Variants in NR2F1-AS1 observed in about 807,000 individuals in gnomAD.
The protein encoded by NR2F1-AS1 is NR2F1 antisense RNA 1.
At chr5:93,434,883 G>T (rs939138256) in intron 4 of NR2F1-AS1, among the ~76,000 whole-genome samples, 1 of 152,040 alleles carries the variant, frequency 6.6e-6, no homozygotes. Context: ...AAATGATGTT[G>T]TGTTCTTCTC....
chr5:93,471,811 C>T (rs1750371322), intron 4 of NR2F1-AS1, among the ~76,000 whole-genome samples: 1 of 151,786 alleles, frequency 6.6e-6, no homozygotes, highest in Non-Finnish European at 1.5e-5. Context: ...GGTAAAGGTT[C>T]CCCGGTTAAT....
intron 4 of NR2F1-AS1, among the ~76,000 whole-genome samples, chr5:93,536,874 G>A (rs1038306709): frequency 3.9e-5 from 6 of 152,104 alleles, no homozygotes; most frequent in Non-Finnish European, 8.8e-5. Context: ...TCATGGGAGT[G>A]GGTCTTTCCT....
chr5:93,504,763 C>T (rs1751151778), intron 4 of NR2F1-AS1, among the ~76,000 whole-genome samples: 2 of 152,020 alleles, frequency 1.3e-5, no homozygotes, highest in East Asian at 3.9e-4. Context: ...AAAGATCAGC[C>T]CCCATGATTC....
In NR2F1-AS1 at chr5:93,471,172, T is replaced by G. The variant is rs1378214741; in HGVS notation, n.639-75630A>C. ...AGCAAAAAACTATATACTGATCAAC[T>G]GACTTAACAACTAGCCAAACTGTAT... On this transcript the variant is annotated intron_variant and non_coding_transcript_variant, in intron 4 of 5. Coordinates refer to ENST00000660523, the Ensembl canonical transcript of NR2F1-AS1. Among the ~76,000 whole-genome samples the G allele has an allele frequency of 2.0e-5, 3 of 151,972 alleles. No homozygotes were observed. The East Asian group carries it at 5.8e-4, about 29-fold the overall frequency.
chr5:93,459,970 G>A (rs1186174989), intron 4 of NR2F1-AS1, among the ~76,000 whole-genome samples: 2 of 152,040 alleles, frequency 1.3e-5, no homozygotes, highest in African/African-American at 4.8e-5. Flanking sequence ...AAAGTATCCT[G>A]AAAATTCAAA....
At chr5:93,491,750 C>G (rs998605577) in intron 4 of NR2F1-AS1, among the ~76,000 whole-genome samples, 10 of 152,188 alleles carry the variant, frequency 6.6e-5, no homozygotes, top group African/African-American at 2.4e-4. Context: ...GCTCCTGGTT[C>G]TTGGGCCTTC....
intron 4 of NR2F1-AS1, among the ~76,000 whole-genome samples, chr5:93,447,991 T>C (rs777251304): frequency 1.3e-5 from 2 of 152,060 alleles, no homozygotes; most frequent in Non-Finnish European, 2.9e-5. Flanking sequence ...TAGGTGGGAA[T>C]TGGACAGTGA....
intron 4 of NR2F1-AS1, among the ~76,000 whole-genome samples, chr5:93,547,495 AG>A (rs1171053639): frequency 6.6e-6 from 1 of 152,210 alleles, no homozygotes; most frequent in East Asian, 1.9e-4. Flanking sequence ...TCCAATTAAA[AG>A]GGGGATCTAA....
At chr5:93,506,866 T>C (rs558500661) in intron 4 of NR2F1-AS1, among the ~76,000 whole-genome samples, 7 of 152,258 alleles carry the variant, frequency 4.6e-5, no homozygotes, top group Admixed American at 3.3e-4. Flanking sequence ...GAAAAGACTA[T>C]AGGCAGGCTC....
chr5:93,562,030 A>AT (rs566327421), intron 2 of NR2F1-AS1, among the ~76,000 whole-genome samples: 8 of 151,554 alleles, frequency 5.3e-5, no homozygotes, highest in Admixed American at 2.6e-4. Flanking sequence ...AAACTCTAAG[A>AT]TTTTTTTTAA....
intron 1 of NR2F1-AS1, among the ~76,000 whole-genome samples, chr5:93,564,216 AAAGAAAATGGTTACTATTATAAGTT>A (rs575463193): frequency 1.3e-5 from 2 of 150,498 alleles, no homozygotes; most frequent in South Asian, 4.3e-4. Context: ...CACCCACCCT[AAAGAAAATGGTTACTATTATAAGTT>A]CCCAAGTATG....
intron 4 of NR2F1-AS1, among the ~76,000 whole-genome samples, chr5:93,535,357 T>TA (rs919871110): frequency 2.0e-5 from 3 of 151,424 alleles, no homozygotes; most frequent in Non-Finnish European, 4.4e-5. Flanking sequence ...ATAATAAATA[T>TA]AAAAAATTTA....
chr5:93,567,676 G>C (rs1752648794), intron 1 of NR2F1-AS1, among the ~76,000 whole-genome samples: 2 of 152,126 alleles, frequency 1.3e-5, no homozygotes, highest in South Asian at 4.1e-4. Flanking sequence ...AAGAGCCCTG[G>C]GGGATATCAC....
At chr5:93,478,017 T>C (rs973952824) in intron 4 of NR2F1-AS1, among the ~76,000 whole-genome samples, 2 of 152,202 alleles carry the variant, frequency 1.3e-5, no homozygotes, top group Non-Finnish European at 2.9e-5. Context: ...AATGCTGCAA[T>C]AACAGCATGT....
Position 93,455,324 on chromosome 5 carries a change from G to A in NR2F1-AS1, n.639-59782C>T, listed in dbSNP as rs142308437. Among the ~76,000 whole-genome samples the A allele has an allele frequency of 6.6e-5, 10 of 152,272 alleles. No homozygotes were observed. The East Asian group carries it at 1.9e-3, about 29-fold the overall frequency. ...AAGATTCTTCCCCATATGTAAAGTT[G>A]TATGATATTATGTAAAGATAGACTG... is the stretch of plus-strand genomic sequence containing the variant. On this transcript the variant is annotated intron_variant and non_coding_transcript_variant, in intron 4 of 5. Coordinates refer to ENST00000660523, the Ensembl canonical transcript of NR2F1-AS1.
At chr5:93,426,831 G>A (rs192573948) in intron 4 of NR2F1-AS1, among the ~76,000 whole-genome samples, 45 of 152,294 alleles carry the variant, frequency 3.0e-4, no homozygotes, top group Middle Eastern at 3.4e-3. Flanking sequence ...AGCTGGGCTT[G>A]TGGCTAGTGA....
chr5:93,539,730 C>A (rs1463644466), intron 4 of NR2F1-AS1, among the ~76,000 whole-genome samples: 1 of 152,060 alleles, frequency 6.6e-6, no homozygotes, highest in Non-Finnish European at 1.5e-5. Context: ...TTAAGGTATT[C>A]TCTATTACAA....
intron 4 of NR2F1-AS1, among the ~76,000 whole-genome samples, chr5:93,442,326 C>T (rs186911634): frequency 3.3e-5 from 5 of 152,182 alleles, no homozygotes; most frequent in African/African-American, 7.2e-5. Flanking sequence ...CCTGGAAAAT[C>T]GGGACACCCT....
chr5:93,413,208 GTA>G (rs752991953), intron 4 of NR2F1-AS1, among the ~76,000 whole-genome samples: 17 of 128,572 alleles, frequency 1.3e-4, no homozygotes, highest in East Asian at 1.1e-3. Flanking sequence ...GTATATATAT[GTA>G]TATATATATA....
Sources: gnomAD v4.1 joint callset for allele counts (sites outside exome capture counted in the v4.1 genomes callset) on GRCh38, gnomAD v4.1.1 for gene constraint, MANE v1.5 for transcripts, NCBI Gene and HGNC (gene_info 2026-07-23, HGNC 2026-07-21) for gene names.